LARGE1: variants seen among roughly 807,000 people sequenced by gnomAD.
The protein encoded by LARGE1 is xylosyl- and glucuronyltransferase LARGE1.
LARGE1 carries 43 observed loss-of-function variants against 87.6 expected under a neutral mutation model. The observed-to-expected ratio is 0.49, with a 90% CI of 0.38 to 0.63. The LOEUF is 0.63. Ranked by LOEUF, LARGE1 falls within the 30% of genes least tolerant of loss-of-function variation. LARGE1 has a pLI of 0.00. For missense variants in LARGE1, 802 were observed against 1,000.2 expected, an observed-to-expected ratio of 0.80 and a Z score of 2.67; for synonymous variants, 434 against 394.6, an observed-to-expected ratio of 1.10 and a Z score of -1.18.
intron 7 of LARGE1, among the ~76,000 whole-genome samples, chr22:33,394,398 C>A (rs2065646978): frequency 6.6e-6 from 1 of 152,092 alleles, no homozygotes; most frequent in Non-Finnish European, 1.5e-5. Context: ...CGGGGTTTCA[C>A]CATGTTGGCC....
chr22:33,480,019 A>G (rs1174540844), intron 6 of LARGE1, among the ~76,000 whole-genome samples: 1 of 152,178 alleles, frequency 6.6e-6, no homozygotes, highest in Admixed American at 6.5e-5. Context: ...TGCTGGGATT[A>G]CAGGCGTGAA....
chr22:33,361,004 C>A (rs1340664030), intron 9 of LARGE1, among the ~76,000 whole-genome samples: 1 of 149,058 alleles, frequency 6.7e-6, no homozygotes, highest in African/African-American at 2.5e-5. Context: ...ATCACGAGGT[C>A]GGGAGTTCAA....
intron 4 of LARGE1, among the ~76,000 whole-genome samples, chr22:33,625,455 C>G (rs1016017689): frequency 1.3e-5 from 2 of 152,116 alleles, no homozygotes; most frequent in African/African-American, 2.4e-5. Context: ...TGGGGGTCCA[C>G]GAGAGTCAAT....
At chr22:33,104,561 G>A in the LARGE1 span, among the ~76,000 whole-genome samples, 1 of 152,190 alleles carries the variant, frequency 6.6e-6, no homozygotes, top group East Asian at 1.9e-4. Context: ...GGTAAGGGGA[G>A]TGATTTAAGC....
At chr22:33,292,198 C>T (rs1263484058) in intron 12 of LARGE1, among the ~76,000 whole-genome samples, 1 of 152,168 alleles carries the variant, frequency 6.6e-6, no homozygotes, top group Non-Finnish European at 1.5e-5. Flanking sequence ...GTTCTGACTT[C>T]CAAGCCTCTA....
rs187695588 is a variant in LARGE1, at chr22:33,195,359, C to T, written c.1731-28527G>A. Among the ~76,000 whole-genome samples, 15 of 152,174 alleles carry T rather than the reference C, an allele frequency of 9.9e-5. No individual in the cohort carries two copies. In the East Asian group the frequency reaches 2.9e-3, roughly 29 times the overall value. ...TAACTGGTATCTGTAGAAAACTCGACCCAATAATTGCAGAATACATATTAA... is the reference window on the plus strand; with the variant it reads ...TAACTGGTATCTGTAGAAAACTCGATCCAATAATTGCAGAATACATATTAA... On this transcript the variant is annotated intron_variant, in intron 11 of 11. Coordinates refer to the LARGE1 transcript ENST00000608642.
intron 12 of LARGE1, among the ~76,000 whole-genome samples, chr22:33,302,259 G>A (rs574000429): frequency 2.0e-5 from 3 of 152,348 alleles, no homozygotes; most frequent in East Asian, 3.9e-4. Flanking sequence ...TGGCACAGGC[G>A]CTGGGGCTGG....
chr22:33,757,930 C>T (rs2084581146), intron 2 of LARGE1, among the ~76,000 whole-genome samples: 1 of 152,138 alleles, frequency 6.6e-6, no homozygotes, highest in African/African-American at 2.4e-5. Flanking sequence ...TCAGACTTTC[C>T]CAGAGCCTCA....
intron 6 of LARGE1, among the ~76,000 whole-genome samples, chr22:33,455,945 T>C (rs982941731): frequency 1.3e-5 from 2 of 152,140 alleles, no homozygotes; most frequent in East Asian, 1.9e-4. Flanking sequence ...CTAACTCTAA[T>C]TGGTGGACCC....
chr22:33,758,867 T>C (rs930174019), intron 2 of LARGE1, among the ~76,000 whole-genome samples: 27 of 152,296 alleles, frequency 1.8e-4, no homozygotes, highest in Admixed American at 1.3e-3. Context: ...TCCATCATCC[T>C]GTGACCAGAA....
chr22:33,479,439 C>A (rs117140814), intron 6 of LARGE1, among the ~76,000 whole-genome samples: 2,377 of 152,288 alleles, frequency 0.016, 33 homozygotes, highest in Admixed American at 0.024. Flanking sequence ...AAGATCTGGT[C>A]TCAATTCCAT....
At chr22:33,284,288 T>C (rs749591056) in intron 12 of LARGE1, among the ~76,000 whole-genome samples, 5 of 152,172 alleles carry the variant, frequency 3.3e-5, no homozygotes, top group Non-Finnish European at 5.9e-5. Context: ...CTGGGCACTT[T>C]CAGGTTCCAT....
At chr22:33,589,913 G>A (rs768461894) in intron 5 of LARGE1, among the ~76,000 whole-genome samples, 44 of 140,426 alleles carry the variant, frequency 3.1e-4, no homozygotes, top group Non-Finnish European at 6.1e-4. Flanking sequence ...ATGTAGTTCC[G>A]CTGCACTGTG....
At chr22:33,462,825 C>T (rs1232297350) in intron 6 of LARGE1, among the ~76,000 whole-genome samples, 1 of 151,982 alleles carries the variant, frequency 6.6e-6, no homozygotes, top group Non-Finnish European at 1.5e-5. Context: ...ATCAACAAGG[C>T]TATCTAATTA....
At chr22:33,279,869 G>A (rs1223223066) in intron 13 of LARGE1, among the ~76,000 whole-genome samples, 4 of 152,200 alleles carry the variant, frequency 2.6e-5, no homozygotes, top group Non-Finnish European at 2.9e-5. Flanking sequence ...GAACTTGTAT[G>A]AGGTTTTAAA....
chr22:33,228,687 G>GA (rs891836408), intron 11 of LARGE1, among the ~76,000 whole-genome samples: 2 of 151,950 alleles, frequency 1.3e-5, no homozygotes, highest in African/African-American at 4.8e-5. Flanking sequence ...TCAAAGGAAA[G>GA]AAAAAAATAC....
intron 7 of LARGE1, among the ~76,000 whole-genome samples, chr22:33,407,981 CTTT>C (rs35056659): frequency 4.3e-5 from 6 of 139,528 alleles, no homozygotes; most frequent in Admixed American, 2.2e-4. Flanking sequence ...GGAAGATAAA[CTTT>C]TTTTTTTTTT....
intron 8 of LARGE1, among the ~76,000 whole-genome samples, chr22:33,383,454 G>C (rs2065224699): frequency 6.6e-6 from 1 of 152,090 alleles, no homozygotes; most frequent in African/African-American, 2.4e-5. Context: ...TAGCGACTTG[G>C]GAGGCTGAGG....
Position 33,728,267 on chromosome 22 carries a change from A to G in LARGE1, c.106+33104T>C, listed in dbSNP as rs563086699. Among the ~76,000 whole-genome samples the G allele has an allele frequency of 1.9e-4, 29 of 152,208 alleles. 1 individual carries two copies. The South Asian group carries it at 4.8e-3, about 25-fold the overall frequency. Reference sequence around the variant, plus strand: ...AAAAATTTCCAGAACGGCCAGGCTCAGTGGCTCACTCCTGTAATCCCAACA... The same window carrying G: ...AAAAATTTCCAGAACGGCCAGGCTCGGTGGCTCACTCCTGTAATCCCAACA... On this transcript the variant is annotated intron_variant, in intron 2 of 14. Transcript: ENST00000397394.
Sources: gnomAD v4.1 joint callset for allele counts (sites outside exome capture counted in the v4.1 genomes callset) on GRCh38, gnomAD v4.1.1 for gene constraint, MANE v1.5 for transcripts, NCBI Gene and HGNC (gene_info 2026-07-23, HGNC 2026-07-21) for gene names.